VAC14: variants seen among roughly 807,000 people sequenced by gnomAD.
VAC14 encodes the protein VAC14 component of PIKFYVE complex, also known as protein VAC14 homolog.
Under a neutral mutation model 85.3 loss-of-function variants are expected in VAC14, and 47 were observed. The observed-to-expected ratio is 0.55, with a 90% CI of 0.44 to 0.70. The LOEUF is 0.70. Among genes scored for constraint, VAC14 ranks in the 30% least tolerant of loss-of-function variants. The probability of loss-of-function intolerance (pLI) is 0.00; values close to 1 mark genes in which losing one functional copy is unlikely to be tolerated. For missense variants in VAC14, 861 were observed against 1,004.3 expected, an observed-to-expected ratio of 0.86 and a Z score of 1.93; for synonymous variants, 447 against 430.5, an observed-to-expected ratio of 1.04 and a Z score of -0.47.
chr16:70,690,068 G>T (rs1317564613), intron 18 of VAC14: 1 of 985,404 alleles, frequency 1.0e-6, no homozygotes, highest in Non-Finnish European at 1.2e-6. Flanking sequence ...GAGCTTAGGG[G>T]CCTTTAGAGA....
intron 13 of VAC14, among the ~76,000 whole-genome samples, chr16:70,736,071 C>T (rs1200322850): frequency 1.3e-5 from 2 of 152,216 alleles, no homozygotes; most frequent in Non-Finnish European, 2.9e-5. Context: ...ACACTGGAGG[C>T]ACCCTGTTCA....
chr16:70,720,523 C>T (rs1404240570), intron 14 of VAC14, among the ~76,000 whole-genome samples: 3 of 152,138 alleles, frequency 2.0e-5, no homozygotes, highest in Non-Finnish European at 4.4e-5. Flanking sequence ...GTCTCGGGCA[C>T]GGTGGAGCTT....
At chr16:70,736,868 G>A (rs182939815) in intron 13 of VAC14, among the ~76,000 whole-genome samples, 1 of 151,270 alleles carries the variant, frequency 6.6e-6, no homozygotes, top group Non-Finnish European at 1.5e-5. Context: ...CCCAGCAGGG[G>A]AGGTGGGGAA....
chr16:70,696,212 G>C (rs2053704057), intron 16 of VAC14, among the ~76,000 whole-genome samples: 1 of 152,142 alleles, frequency 6.6e-6, no homozygotes, highest in Non-Finnish European at 1.5e-5. Flanking sequence ...TTTGCTTACT[G>C]GTGTTTTAAA....
At chr16:70,688,441 G>T (rs2053539538) in intron 18 of VAC14, 28 of 1,003,744 alleles carry the variant, frequency 2.8e-5, no homozygotes, top group Non-Finnish European at 3.2e-5. Flanking sequence ...CAGGAAGCCA[G>T]CTGGGGCCTG....
At chr16:70,741,366 C>T (rs540021187) in intron 13 of VAC14, among the ~76,000 whole-genome samples, 11 of 152,372 alleles carry the variant, frequency 7.2e-5, no homozygotes, top group South Asian at 2.1e-4. Context: ...GTGCCTGGCA[C>T]GTGCCCTCCC....
In VAC14 at chr16:70,762,813, T is replaced by C; in HGVS notation, c.1305+68A>G. 3.7e-6 allele frequency: 6 copies of C among 1,607,716 alleles called. No homozygotes were observed. The highest frequency in any genetic ancestry group is 5.1e-6 in the Non-Finnish European group (6 of 1,176,284). On this transcript the variant is annotated intron_variant, in intron 11 of 18. Transcript: ENST00000261776. The surrounding 1 kb of genome is among the most constrained non-coding windows in gnomAD (Gnocchi z 4.1). Reference sequence around the variant, plus strand: ...GCAATGACCAAAATGCTACCAACTATGGGCAGGCCCTGGAAAACCAAGGCG... The same window carrying C: ...GCAATGACCAAAATGCTACCAACTACGGGCAGGCCCTGGAAAACCAAGGCG...
At chr16:70,795,094 A>T (rs1004486110) in intron 1 of VAC14, among the ~76,000 whole-genome samples, 1 of 152,224 alleles carries the variant, frequency 6.6e-6, no homozygotes, top group African/African-American at 2.4e-5. Flanking sequence ...TGTGTGGCAG[A>T]CTGCACCATC....
rs1337063079 is a variant in VAC14 at position 70,690,362 on chromosome 16, T to C, written c.2187-2272A>G. On this transcript the variant is annotated intron_variant, in intron 18 of 18. Transcript: ENST00000261776. ...CTGCTCTCAGGCCCTGCACATCTTC[T>C]GTAGGTCCATAACCACCCTCGGGCA... The C allele has an allele frequency of 4.1e-6, 4 of 985,530 alleles. No individual in the cohort carries two copies. In the Admixed American group the frequency reaches 1.8e-4, roughly 45 times the overall value. 61.0% of individuals were successfully genotyped at this position (985,530 alleles called of 1,614,324 possible). A position where few individuals can be genotyped will look rare whatever the true frequency, so the allele number is the denominator to read the frequency against.
intron 1 of VAC14, among the ~76,000 whole-genome samples, chr16:70,789,773 T>G (rs1015311427): frequency 6.6e-6 from 1 of 152,202 alleles, no homozygotes. Context: ...GAATCCAGGA[T>G]GTGGGATGCA....
At chr16:70,703,639 C>T (rs570766729) in intron 14 of VAC14, among the ~76,000 whole-genome samples, 14 of 152,176 alleles carry the variant, frequency 9.2e-5, no homozygotes, top group South Asian at 6.2e-4. Flanking sequence ...TCTGCCTCCC[C>T]GTCTTGGGCT....
chr16:70,704,127 C>T (rs770291314), intron 14 of VAC14, among the ~76,000 whole-genome samples: 13 of 152,196 alleles, frequency 8.5e-5, no homozygotes, highest in Non-Finnish European at 1.3e-4. Flanking sequence ...CAAACCCCCA[C>T]CTGGCATCCA....
At chr16:70,763,170 G>A in intron 10 of VAC14, 145 bp from the exon 11 acceptor site, 2 of 1,195,552 alleles carry the variant, frequency 1.7e-6, no homozygotes, top group Non-Finnish European at 2.3e-6. Context: ...GGGATAACCT[G>A]ATCCCACACA....
chr16:70,689,741 G>A, intron 18 of VAC14: 1 of 985,548 alleles, frequency 1.0e-6, no homozygotes, highest in Non-Finnish European at 1.2e-6. Flanking sequence ...AAAAGCAGCT[G>A]GGCGGGGCCA....
intron 9 of VAC14, among the ~76,000 whole-genome samples, chr16:70,779,403 A>G (rs913011613): frequency 2.0e-5 from 3 of 152,188 alleles, no homozygotes; most frequent in African/African-American, 4.8e-5. Context: ...AGTCTTCCCT[A>G]TAAAAAATTT....
At chr16:70,751,064 C>T (rs2031346925) in intron 12 of VAC14, among the ~76,000 whole-genome samples, 1 of 152,148 alleles carries the variant, frequency 6.6e-6, no homozygotes, top group Admixed American at 6.5e-5. Flanking sequence ...AGATGGATGG[C>T]TCTGAGCAGC....
Position 70,772,134 on chromosome 16 carries a change from C to A in VAC14, c.1135G>T (p.Gly379Cys), listed in dbSNP as rs778169043. The A allele has an allele frequency of 1.2e-6, 2 of 1,614,066 alleles. No individual in the cohort carries two copies. The highest frequency in any genetic ancestry group is 1.7e-6 in the Non-Finnish European group (2 of 1,180,026). Reference protein sequence around the residue: ...DGSCDSSFSSGISVFTAASTE... With the variant: ...DGSCDSSFSSCISVFTAASTE... ...CTGGCTGCAGTGAAGACACTGATGCCGCTACTGAAGCTGGAGTCACAGGAA... is the reference window on the plus strand; with the variant it reads ...CTGGCTGCAGTGAAGACACTGATGCAGCTACTGAAGCTGGAGTCACAGGAA... Residue 379 changes from glycine to cysteine, a missense_variant, in exon 10 of 19, where the codon GGC becomes TGC. Physicochemically the swap from Gly to Cys is radical, Grantham distance 159. Coordinates refer to ENST00000261776, the MANE Select transcript of VAC14 (RefSeq NM_018052.5).
At chr16:70,752,737 T>C (rs2031488196) in intron 12 of VAC14, among the ~76,000 whole-genome samples, 1 of 152,256 alleles carries the variant, frequency 6.6e-6, no homozygotes, top group Admixed American at 6.5e-5. Context: ...TCGCTTCCAA[T>C]CTGCTGTGGG....
chr16:70,784,931 T>G, intron 3 of VAC14, 93 bp from the exon 4 acceptor site: 1 of 1,094,790 alleles, frequency 9.1e-7, no homozygotes, highest in South Asian at 1.2e-5. Flanking sequence ...AGCCGAGGCC[T>G]TGGTGCAGCC....
Sources: gnomAD v4.1 joint callset for allele counts (sites outside exome capture counted in the v4.1 genomes callset) on GRCh38, gnomAD v4.1.1 for gene constraint, Gnocchi (gnomAD v3.1) non-coding constraint, MANE v1.5 for transcripts, NCBI Gene and HGNC (gene_info 2026-07-23, HGNC 2026-07-21) for gene names.